WDR33: variants seen among roughly 807,000 people sequenced by gnomAD.
The protein encoded by WDR33 is pre-mRNA 3' end processing protein WDR33.
Under a neutral mutation model 164.9 loss-of-function variants are expected in WDR33, and 47 were observed. The ratio of observed to expected loss-of-function variants is 0.29; its 90% CI spans 0.23 to 0.36. WDR33 has a LOEUF of 0.36. WDR33 is among the 10% of genes least tolerant of loss of function. WDR33 has a pLI of 1.00. For synonymous variants in WDR33, 505 were observed against 589.0 expected, an observed-to-expected ratio of 0.86 and a Z score of 2.06; for missense variants, 1,137 against 1,754.1, an observed-to-expected ratio of 0.65 and a Z score of 6.28.
chr2:127,701,456 G>A lies in WDR33; in HGVS notation c.*4867C>T, dbSNP rs2105363204. 1.6e-6 allele frequency: 2 copies of A among 1,230,744 alleles called. No homozygotes were observed. The highest frequency in any genetic ancestry group is 3.4e-5 in the South Asian group (1 of 29,138). The allele number at this position is 1,230,744 out of a possible 1,614,324, so 76.2% of individuals were successfully genotyped here. ...CGCCGTCGCCGACCAATTGCCGCCC[G>A]AAGACCGAACCGCTTCAGCGGAGGG... On this transcript the variant is annotated 3_prime_UTR_variant, in exon 22 of 22. Transcript: ENST00000322313.
chr2:127,706,919 A>T lies in WDR33; in HGVS notation c.3782-367T>A, dbSNP rs1396367320. On this transcript the variant is annotated intron_variant, in intron 21 of 21. Transcript: ENST00000322313. The surrounding 1 kb of genome is among the most constrained non-coding windows in gnomAD (Gnocchi z 5.1). ...CCCAGCCACCAGGGTATATTGAGGG[A>T]AGGTTTGAATATACTGACTTAACTT... is the stretch of plus-strand genomic sequence containing the variant. 6.6e-6 allele frequency among the ~76,000 whole-genome samples: 1 copy of T among 152,246 alleles called. No homozygotes were observed. Among genetic ancestry groups the T allele is most frequent in the Non-Finnish European group, 1.5e-5 (1 of 68,044 alleles).
At chr2:127,754,727 T>C (rs1687473456) in intron 7 of WDR33, among the ~76,000 whole-genome samples, 1 of 151,930 alleles carries the variant, frequency 6.6e-6, no homozygotes, top group Non-Finnish European at 1.5e-5. Flanking sequence ...CTGGCCACAT[T>C]CTCTTATCTT....
intron 7 of WDR33, among the ~76,000 whole-genome samples, chr2:127,734,295 G>A (rs1299958984): frequency 6.6e-6 from 1 of 152,118 alleles, no homozygotes; most frequent in African/African-American, 2.4e-5. Context: ...ATTAAGCATT[G>A]AGAACAGTGA....
At chr2:127,730,492 G>A (rs955481604) in intron 7 of WDR33, among the ~76,000 whole-genome samples, 8 of 151,746 alleles carry the variant, frequency 5.3e-5, no homozygotes, top group African/African-American at 1.9e-4. Flanking sequence ...TGTAAAAGAT[G>A]GCACTTAAAG....
rs1366090071 is a variant in WDR33, at chr2:127,713,437, C to T, written c.3308+146G>A. On this transcript the variant is annotated intron_variant, in intron 18 of 21. Coordinates refer to ENST00000322313, the MANE Select transcript of WDR33 (RefSeq NM_018383.5). The surrounding 1 kb of genome is among the most constrained non-coding windows in gnomAD (Gnocchi z 6.2). ...GGTTAAAAAGCACACTTTTTTTAAA[C>T]GTCCAAATGCAAACTCTACAGAGTG... 14 of 915,272 alleles carry T rather than the reference C, an allele frequency of 1.5e-5. No homozygotes were observed. Among genetic ancestry groups the T allele is most frequent in the East Asian group, 1.3e-4 (5 of 39,604 alleles). The allele number at this position is 915,272 out of a possible 1,614,324, so 56.7% of individuals were successfully genotyped here. A position where few individuals can be genotyped will look rare whatever the true frequency, so the allele number is the denominator to read the frequency against.
intron 4 of WDR33, 92 bp from the exon 5 acceptor site, chr2:127,765,361 A>C (rs1003125655): frequency 1.2e-6 from 1 of 860,640 alleles, no homozygotes; most frequent in African/African-American, 1.7e-5. Context: ...GCAATAACTG[A>C]CATTAAATAA....
At chr2:127,727,737 G>T (rs1235136694) in intron 7 of WDR33, among the ~76,000 whole-genome samples, 1 of 152,188 alleles carries the variant, frequency 6.6e-6, no homozygotes, top group Non-Finnish European at 1.5e-5. Context: ...AAGCCCCAAG[G>T]ATATTTTACA....
intron 7 of WDR33, among the ~76,000 whole-genome samples, chr2:127,755,466 T>C (rs187521443): frequency 6.6e-6 from 1 of 152,346 alleles, no homozygotes; most frequent in Admixed American, 6.5e-5. Flanking sequence ...AGGTTGCCTG[T>C]ATTGTTCTGG....
At chr2:127,757,863 C>CT (rs139468828) in intron 7 of WDR33, among the ~76,000 whole-genome samples, 2,527 of 152,208 alleles carry the variant, frequency 0.017, 19 homozygotes, top group East Asian at 0.03. Flanking sequence ...ACGAAAAGAT[C>CT]TTTGTGTAGA....
Position 127,722,178 on chromosome 2 carries a change from T to G in WDR33, c.1519-190A>C, listed in dbSNP as rs1686457395. 6.6e-6 allele frequency among the ~76,000 whole-genome samples: 1 copy of G among 152,160 alleles called. No homozygotes were observed. The highest frequency in any genetic ancestry group is 2.4e-5 in the African/African-American group (1 of 41,448). On this transcript the variant is annotated intron_variant, in intron 14 of 21. Transcript: ENST00000322313. This position sits in a 1 kb window ranked among gnomAD's most constrained non-coding sequence, Gnocchi z 5.1. The stretch of plus-strand genomic sequence containing the variant: ...TACTGACATATTACTAGGTAGAAAT[T>G]ACTATGGTGATAAAAGCTGCAAGAC...
chr2:127,732,379 G>T (rs999523075), intron 7 of WDR33, among the ~76,000 whole-genome samples: 1 of 151,604 alleles, frequency 6.6e-6, no homozygotes, highest in Admixed American at 6.6e-5. Context: ...ACAGGAGGCG[G>T]AGGCTGCAGT....
intron 17 of WDR33, among the ~76,000 whole-genome samples, chr2:127,715,239 C>T (rs1405801515): frequency 6.6e-6 from 1 of 151,760 alleles, no homozygotes; most frequent in East Asian, 1.9e-4. Context: ...TTACAGGTAC[C>T]ACGCCCGGCT....
intron 7 of WDR33, chr2:127,736,439 A>C (rs1402170642): frequency 1.0e-6 from 1 of 985,330 alleles, no homozygotes; most frequent in Non-Finnish European, 1.2e-6. Flanking sequence ...AAGTTATAAA[A>C]AATTTTGAAA....
chr2:127,778,543 C>T (rs959427417), intron 1 of WDR33, among the ~76,000 whole-genome samples: 10 of 151,978 alleles, frequency 6.6e-5, no homozygotes, highest in East Asian at 1.9e-4. Flanking sequence ...ATTCTGTTCT[C>T]AAGAGTCTGA....
rs1284390678 is a variant in WDR33, at chr2:127,770,566, C to T, written c.204+212G>A. On this transcript the variant is annotated intron_variant, in intron 2 of 21. Coordinates refer to ENST00000322313, the MANE Select transcript of WDR33 (RefSeq NM_018383.5). This position sits in a 1 kb window ranked among gnomAD's most constrained non-coding sequence, Gnocchi z 4.9. ...ATTAGCCGGGCATGGTAGCAGGTGC[C>T]TATAATCCCAGCTACTTGGGAAGCT... 1.3e-5 allele frequency among the ~76,000 whole-genome samples: 2 copies of T among 152,066 alleles called. No individual in the cohort carries two copies. Among genetic ancestry groups the T allele is most frequent in the East Asian group, 3.8e-4 (2 of 5,202 alleles).
Position 127,763,599 on chromosome 2 carries a change from A to G in WDR33, c.627-440T>C. Reference sequence around the variant, plus strand: ...ACACTTCATGAAATAAGCTGAAACAATGTGGGCTGTCTATTAAAAGACTGA... The same window carrying G: ...ACACTTCATGAAATAAGCTGAAACAGTGTGGGCTGTCTATTAAAAGACTGA... On this transcript the variant is annotated intron_variant, in intron 6 of 21. Coordinates refer to ENST00000322313, the MANE Select transcript of WDR33 (RefSeq NM_018383.5). The surrounding 1 kb of genome is among the most constrained non-coding windows in gnomAD (Gnocchi z 4.5). 2 of 997,574 alleles carry G rather than the reference A, an allele frequency of 2.0e-6. No homozygotes were observed. Among genetic ancestry groups the G allele is most frequent in the Non-Finnish European group, 2.4e-6 (2 of 837,310 alleles). 61.8% of individuals were successfully genotyped at this position (997,574 alleles called of 1,614,324 possible).
intron 7 of WDR33, among the ~76,000 whole-genome samples, chr2:127,733,143 T>A (rs1218142984): frequency 1.3e-5 from 2 of 152,186 alleles, no homozygotes; most frequent in African/African-American, 4.8e-5. Context: ...AATTTCTTGC[T>A]GATGAAAGAC....
Position 127,714,205 on chromosome 2 carries a change from G to A in WDR33, c.2870-184C>T, listed in dbSNP as rs1686246474. 6.6e-6 allele frequency among the ~76,000 whole-genome samples: 1 copy of A among 152,174 alleles called. No individual in the cohort carries two copies. Among genetic ancestry groups the A allele is most frequent in the African/African-American group, 2.4e-5 (1 of 41,430 alleles). ...TGGGTAATAGAACAGGAGCTTTGGG[G>A]TGCAGATTTCAACTTCATCACCCAC... On this transcript the variant is annotated intron_variant, in intron 17 of 21. Coordinates refer to ENST00000322313, the MANE Select transcript of WDR33 (RefSeq NM_018383.5). This position sits in a 1 kb window ranked among gnomAD's most constrained non-coding sequence, Gnocchi z 4.3.
intron 7 of WDR33, among the ~76,000 whole-genome samples, chr2:127,746,981 A>T (rs1239025394): frequency 2.0e-5 from 3 of 152,360 alleles, no homozygotes; most frequent in East Asian, 1.9e-4. Flanking sequence ...GATGTTATTT[A>T]AAAAAATGTA....
Sources: allele counts gnomAD v4.1 joint callset (sites outside exome capture counted in the v4.1 genomes callset), GRCh38; gene constraint gnomAD v4.1.1; non-coding constraint Gnocchi (gnomAD v3.1); transcripts MANE v1.5; gene names NCBI Gene and HGNC (gene_info 2026-07-23, HGNC 2026-07-21).